The following CACNA2D2 variants were observed in gnomAD, a reference collection of about 807,000 sequenced individuals.
CACNA2D2 encodes the protein voltage-dependent calcium channel subunit alpha-2/delta-2.
CACNA2D2 carries 48 observed loss-of-function variants against 166.4 expected under a neutral mutation model. The ratio of observed to expected loss-of-function variants is 0.29; its 90% CI spans 0.23 to 0.37. The LOEUF (loss-of-function observed/expected upper bound fraction) is 0.37, where lower values mean the gene tolerates loss of function less well. Ranked by LOEUF, CACNA2D2 falls within the 10% of genes least tolerant of loss-of-function variation. CACNA2D2 has a pLI of 1.00. For synonymous variants in CACNA2D2, 561 were observed against 573.7 expected (o/e 0.98, Z 0.32); for missense variants, 1,122 against 1,433.0 (o/e 0.78, Z 3.50).
Position 50,376,217 on chromosome 3 carries a change from CT to C in CACNA2D2, c.1627-30del, listed in dbSNP as rs1319602825. The C allele has an allele frequency of 6.2e-7, 1 of 1,611,100 alleles. No homozygotes were observed. Among genetic ancestry groups the C allele is most frequent in the South Asian group, 1.1e-5 (1 of 90,992 alleles). ...GAGGCACAGATTGGGGGCTCAGGGT[CT>C]GGAGGGATGGGCTGGGGTTCCCTGG... On this transcript the variant is annotated intron_variant, in intron 17 of 37. Transcript: ENST00000424201. This position sits in a 1 kb window ranked among gnomAD's most constrained non-coding sequence, Gnocchi z 4.3.
In CACNA2D2 at chr3:50,366,697, G is replaced by C; in HGVS notation, c.2590-72C>G. On this transcript the variant is annotated intron_variant, in intron 29 of 37. Coordinates refer to ENST00000424201, the MANE Select transcript of CACNA2D2 (RefSeq NM_006030.4). The surrounding 1 kb of genome is among the most constrained non-coding windows in gnomAD (Gnocchi z 5.9). ...CCCTCCCATCACCTTTCATACATCC[G>C]GTTCCCCAGGCCATCTGCAGCTGGC... 6.3e-7 allele frequency: 1 copy of C among 1,591,578 alleles called. No individual in the cohort carries two copies.
intron 3 of CACNA2D2, among the ~76,000 whole-genome samples, chr3:50,424,356 G>C (rs1250766115): frequency 6.6e-6 from 1 of 152,136 alleles, no homozygotes; most frequent in African/African-American, 2.4e-5. Context: ...TGTACCCCAG[G>C]GAGACTGGCC....
intron 2 of CACNA2D2, among the ~76,000 whole-genome samples, chr3:50,434,775 A>C (rs1477877137): frequency 6.6e-6 from 1 of 152,246 alleles, no homozygotes; most frequent in Non-Finnish European, 1.5e-5. Flanking sequence ...TGTGAATAGC[A>C]GAGGGGAAGA....
chr3:50,426,252 TAG>T (rs1326767618), intron 3 of CACNA2D2, among the ~76,000 whole-genome samples: 3 of 152,322 alleles, frequency 2.0e-5, no homozygotes, highest in Admixed American at 2.0e-4. Context: ...CCACAGCAAG[TAG>T]AGACTGGAAT....
At chr3:50,389,394 C>G (rs74477665) in intron 4 of CACNA2D2, among the ~76,000 whole-genome samples, 122 of 152,274 alleles carry the variant, frequency 8.0e-4, no homozygotes, top group African/African-American at 2.9e-3. Context: ...GTTATAAACA[C>G]AGCTCTGATG....
chr3:50,369,033 C>G (rs1339124113), intron 23 of CACNA2D2, among the ~76,000 whole-genome samples: 1 of 152,216 alleles, frequency 6.6e-6, no homozygotes, highest in Non-Finnish European at 1.5e-5. Flanking sequence ...TGCCACTTCC[C>G]CAAGCTGTGG....
intron 22 of CACNA2D2, among the ~76,000 whole-genome samples, chr3:50,371,634 T>A (rs1240755581): frequency 6.6e-6 from 1 of 152,074 alleles, no homozygotes; most frequent in Non-Finnish European, 1.5e-5. Flanking sequence ...CACAATGCAC[T>A]GCAAGATTCT....
At chr3:50,492,140 C>T (rs983638369) in intron 1 of CACNA2D2, among the ~76,000 whole-genome samples, 2 of 152,250 alleles carry the variant, frequency 1.3e-5, no homozygotes, top group East Asian at 1.9e-4. Flanking sequence ...GTCTCACAGG[C>T]AGCACCCAGC....
At chr3:50,484,023 T>C (rs993033146) in intron 1 of CACNA2D2, among the ~76,000 whole-genome samples, 2 of 152,126 alleles carry the variant, frequency 1.3e-5, no homozygotes, top group African/African-American at 4.8e-5. Flanking sequence ...GCTGCGGGTG[T>C]GGCTAAGGGG....
chr3:50,479,473 T>C (rs927184145), intron 1 of CACNA2D2, among the ~76,000 whole-genome samples: 1 of 152,226 alleles, frequency 6.6e-6, no homozygotes, highest in Admixed American at 6.5e-5. Context: ...TAAAAGAAAA[T>C]AATTCATTCC....
intron 6 of CACNA2D2, among the ~76,000 whole-genome samples, chr3:50,381,452 A>G (rs1705309639): frequency 6.6e-6 from 1 of 152,114 alleles, no homozygotes; most frequent in Non-Finnish European, 1.5e-5. Flanking sequence ...CGGAGCCCTC[A>G]GTCCAGCATG....
chr3:50,502,647 A>G (rs1348415301), intron 1 of CACNA2D2, among the ~76,000 whole-genome samples: 1 of 152,180 alleles, frequency 6.6e-6, no homozygotes, highest in African/African-American at 2.4e-5. Flanking sequence ...CCTCAGGTGG[A>G]GGGGGGCCAA....
At chr3:50,386,707 A>G (rs1256457164) in intron 5 of CACNA2D2, among the ~76,000 whole-genome samples, 1 of 152,054 alleles carries the variant, frequency 6.6e-6, no homozygotes, top group East Asian at 1.9e-4. Flanking sequence ...GAAACCCACC[A>G]AGCCCGCAGG....
intron 2 of CACNA2D2, among the ~76,000 whole-genome samples, chr3:50,434,978 C>G (rs1708243802): frequency 6.6e-6 from 1 of 152,204 alleles, no homozygotes; most frequent in Admixed American, 6.5e-5. Flanking sequence ...AGCAGGAGCT[C>G]TGGGCAATCC....
At position 50,364,796 on chromosome 3, in the gene CACNA2D2, G is replaced by A; in HGVS notation, c.3302C>T (p.Ser1101Leu). ...CFDYNATEDTSDCGRGASFPP... is the reference protein window; with the variant it reads ...CFDYNATEDTLDCGRGASFPP... ...GAAGGAGGCCCCGCGGCCACAGTCT[G>A]AGGTATCTTCCTGCGGGGAGAGACA... The change falls in exon 38 of 38, where the codon TCA becomes TTA. Residue 1101 changes from serine (S) to leucine (L), a missense_variant. Physicochemically the swap from Ser to Leu is moderately radical, Grantham distance 145. This residue lies in a region of CACNA2D2 where 282 missense variants were observed against 266.2 expected (regional missense o/e 1.06). Coordinates refer to ENST00000424201, the MANE Select transcript of CACNA2D2 (RefSeq NM_006030.4). 6.2e-7 allele frequency: 1 copy of A among 1,609,902 alleles called. No homozygotes were observed. The highest frequency in any genetic ancestry group is 8.5e-7 in the Non-Finnish European group (1 of 1,178,536).
rs1488195756 is a variant in CACNA2D2, at chr3:50,502,592, C to A, written c.206+626G>T. On this transcript the variant is annotated intron_variant, in intron 1 of 37. Transcript: ENST00000424201. ...TCCCACCATTCACCTTCTGCCCGGA[C>A]CCCAACGCCTTCACCTCCCAACTGG... is the stretch of plus-strand genomic sequence containing the variant. Among the ~76,000 whole-genome samples, 4 of 152,336 alleles carry A rather than the reference C, an allele frequency of 2.6e-5. No homozygotes were observed. The East Asian group carries it at 7.7e-4, about 29-fold the overall frequency.
At chr3:50,386,217 G>C (rs1705598653) in intron 5 of CACNA2D2, among the ~76,000 whole-genome samples, 1 of 152,168 alleles carries the variant, frequency 6.6e-6, no homozygotes, top group African/African-American at 2.4e-5. Flanking sequence ...CTACGGGCAA[G>C]GAGTCAATGA....
rs1238563519 is a variant in CACNA2D2, at chr3:50,380,444, C to T, written c.842+304G>A. 2.0e-5 allele frequency among the ~76,000 whole-genome samples: 3 copies of T among 152,118 alleles called. No individual in the cohort carries two copies. Among genetic ancestry groups the T allele is most frequent in the East Asian group, 3.9e-4 (2 of 5,180 alleles). On this transcript the variant is annotated intron_variant, in intron 8 of 37. Transcript: ENST00000424201. The surrounding 1 kb of genome is among the most constrained non-coding windows in gnomAD (Gnocchi z 4.9). The stretch of plus-strand genomic sequence containing the variant: ...ATATCTGGGGCTCAGACGGGTGGGG[C>T]AGGGACTGGCCAACCCTACAGAGGC...
chr3:50,486,785 T>C (rs1017414215), intron 1 of CACNA2D2, among the ~76,000 whole-genome samples: 4 of 152,288 alleles, frequency 2.6e-5, no homozygotes, highest in South Asian at 4.1e-4. Flanking sequence ...CCTACAGAGC[T>C]TAGCCTGGAG....
Sources: allele counts gnomAD v4.1 joint callset (sites outside exome capture counted in the v4.1 genomes callset), GRCh38; gene constraint gnomAD v4.1.1; regional missense constraint gnomAD v4.1.1; non-coding constraint Gnocchi (gnomAD v3.1); transcripts MANE v1.5; gene names NCBI Gene and HGNC (gene_info 2026-07-23, HGNC 2026-07-21).